Variants in MAB21L2 observed in about 807,000 individuals in gnomAD.
The protein encoded by MAB21L2 is protein mab-21-like 2.
A neutral mutation model predicts 29.8 loss-of-function variants in MAB21L2; 15 were observed. The observed-to-expected ratio is 0.50, with a 90% CI of 0.34 to 0.78. The LOEUF is 0.78. Ranked by LOEUF, MAB21L2 falls within the 30% of genes least tolerant of loss-of-function variation. MAB21L2 has a pLI of 0.01. For synonymous variants in MAB21L2, 218 were observed against 210.4 expected (o/e 1.04, Z -0.31); for missense variants, 321 against 480.1 (o/e 0.67, Z 3.10).
At position 150,582,998 on chromosome 4, in the gene MAB21L2, C is replaced by T. The variant is rs1771594016; in HGVS notation, c.-32C>T. ...TTGGATCCCTCAACGTATTGCGAGACGCCGGTGTATAGCCCGGACCTGTGC... is the reference window on the plus strand; with the variant it reads ...TTGGATCCCTCAACGTATTGCGAGATGCCGGTGTATAGCCCGGACCTGTGC... On this transcript the variant is annotated 5_prime_UTR_variant, in exon 1 of 1. The change creates a new upstream start codon in the 5' untranslated region. Transcript: ENST00000317605. 1 of 1,541,884 alleles carries T rather than the reference C, an allele frequency of 6.5e-7. No homozygotes were observed. The highest frequency in any genetic ancestry group is 8.7e-7 in the Non-Finnish European group (1 of 1,145,018).
In MAB21L2 at chr4:150,583,729, T is replaced by C. The variant is rs1771711866; in HGVS notation, c.700T>C (p.Phe234Leu). 1 of 1,613,238 alleles carries C rather than the reference T, an allele frequency of 6.2e-7. No homozygotes were observed. The highest frequency in any genetic ancestry group is 1.3e-5 in the African/African-American group (1 of 74,818). Residue 234 changes from phenylalanine to leucine, a missense_variant, in exon 1 of 1, where the codon TTC (phenylalanine) becomes CTC (leucine). Transcript: ENST00000317605. This position sits in a 1 kb window ranked among gnomAD's most constrained non-coding sequence, Gnocchi z 9.8. Reference protein sequence around the residue: ...SAESDAWVLQFGEAENRLLMG... With the variant: ...SAESDAWVLQLGEAENRLLMG... ...AGAGAGCGACGCCTGGGTGCTACAG[T>C]TCGGGGAGGCGGAGAACCGCCTGCT...
chr4:150,582,396 T>C lies in MAB21L2; in HGVS notation c.-634T>C. The C allele has an allele frequency of 6.7e-6, 1 of 149,682 alleles. No homozygotes were observed. The highest frequency in any genetic ancestry group is 1.5e-5 in the Non-Finnish European group (1 of 67,664). The allele number at this position is 149,682 out of a possible 1,614,324, so 9.3% of individuals were successfully genotyped here. ...ACCAACACGCTGAGACTGTGGGGCG[T>C]CAGCAAACCTCCAAGTGCACGGCGG... On this transcript the variant is annotated 5_prime_UTR_variant, in exon 1 of 1. Coordinates refer to ENST00000317605, the MANE Select transcript of MAB21L2 (RefSeq NM_006439.5).
At position 150,583,872 on chromosome 4, in the gene MAB21L2, G is replaced by T. The variant is rs368334008; in HGVS notation, c.843G>T (p.Glu281Asp). The T allele has an allele frequency of 3.7e-6, 6 of 1,613,872 alleles. No homozygotes were observed. Among genetic ancestry groups the T allele is most frequent in the Non-Finnish European group, 5.1e-6 (6 of 1,179,958 alleles). Residue 281 changes from glutamate (E) to aspartate (D), a missense_variant, in exon 1 of 1, where the codon GAG (glutamate) becomes GAT (aspartate). Coordinates refer to ENST00000317605, the MANE Select transcript of MAB21L2 (RefSeq NM_006439.5). The surrounding 1 kb of genome is among the most constrained non-coding windows in gnomAD (Gnocchi z 9.8). ...ACATGAAGACGCTGCTGCTGTACGA[G>T]TGCGAGAAACACCCACGAGAAACGG... ...NYHMKTLLLY[E>D]CEKHPRETDW...
In MAB21L2 at chr4:150,584,174, A is replaced by G; in HGVS notation, c.*65A>G. Reference sequence around the variant, plus strand: ...GCTCTCTCAGACACACAACTCTGCTATAAACAGCAGAAACTCTGGACACAA... The same window carrying G: ...GCTCTCTCAGACACACAACTCTGCTGTAAACAGCAGAAACTCTGGACACAA... On this transcript the variant is annotated 3_prime_UTR_variant, in exon 1 of 1. Coordinates refer to ENST00000317605, the MANE Select transcript of MAB21L2 (RefSeq NM_006439.5). 2 of 1,446,244 alleles carry G rather than the reference A, an allele frequency of 1.4e-6. No individual in the cohort carries two copies. The highest frequency in any genetic ancestry group is 9.1e-7 in the Non-Finnish European group (1 of 1,097,380). 89.6% of individuals were successfully genotyped at this position (1,446,244 alleles called of 1,614,324 possible).
In MAB21L2 at chr4:150,583,386, G is replaced by C; in HGVS notation, c.357G>C (p.Ala119=). The C allele has an allele frequency of 2.5e-6, 4 of 1,614,088 alleles. No individual in the cohort carries two copies. Among genetic ancestry groups the C allele is most frequent in the Non-Finnish European group, 3.4e-6 (4 of 1,180,038 alleles). Residue 119 remains alanine (A), a synonymous_variant, in exon 1 of 1, where the codon GCG becomes GCC. Coordinates refer to ENST00000317605, the MANE Select transcript of MAB21L2 (RefSeq NM_006439.5). This position sits in a 1 kb window ranked among gnomAD's most constrained non-coding sequence, Gnocchi z 9.8. ...SMSLWVEFIT[A]SGYLSARKIR... ...CTCTCTGGGTCGAGTTCATCACGGC[G>C]TCGGGCTATCTCTCAGCGCGTAAGA... is the stretch of plus-strand genomic sequence containing the variant.
At position 150,583,307 on chromosome 4, in the gene MAB21L2, C is replaced by T. The variant is rs752541709; in HGVS notation, c.278C>T (p.Ser93Leu). ...MGVFNFVDDGSLPGCAVLKLS... is the reference protein window; with the variant it reads ...MGVFNFVDDGLLPGCAVLKLS... The stretch of plus-strand genomic sequence containing the variant: ...GTCTTCAACTTCGTGGACGACGGCT[C>T]GCTGCCCGGCTGCGCAGTGCTCAAA... The change falls in exon 1 of 1, where the codon TCG becomes TTG. Residue 93 changes from serine to leucine, a missense_variant. By Grantham distance (145) the Ser-to-Leu change is moderately radical. Transcript: ENST00000317605. The surrounding 1 kb of genome is among the most constrained non-coding windows in gnomAD (Gnocchi z 9.8). 1.2e-6 allele frequency: 2 copies of T among 1,614,202 alleles called. No individual in the cohort carries two copies.
In MAB21L2 at chr4:150,583,259, T is replaced by C. The variant is rs1037114694; in HGVS notation, c.230T>C (p.Val77Ala). 1 of 1,614,176 alleles carries C rather than the reference T, an allele frequency of 6.2e-7. No individual in the cohort carries two copies. Among genetic ancestry groups the C allele is most frequent in the African/African-American group, 1.3e-5 (1 of 75,042 alleles). The change falls in exon 1 of 1, where the codon GTG becomes GCG. Residue 77 changes from valine (V) to alanine (A), a missense_variant. Transcript: ENST00000317605. This position sits in a 1 kb window ranked among gnomAD's most constrained non-coding sequence, Gnocchi z 9.8. ...ATTTCGCCCACCGAATTTGAGGTGG[T>C]GCTCTACCTAAACCAGATGGGCGTC... Reference protein sequence around the residue: ...EVISPTEFEVVLYLNQMGVFN... With the variant: ...EVISPTEFEVALYLNQMGVFN...
At position 150,582,815 on chromosome 4, in the gene MAB21L2, G is replaced by T. The variant is rs1771561210; in HGVS notation, c.-215G>T. 4.0e-6 allele frequency: 2 copies of T among 493,954 alleles called. No homozygotes were observed. The highest frequency in any genetic ancestry group is 5.2e-4 in the Middle Eastern group (1 of 1,930). 30.6% of individuals were successfully genotyped at this position (493,954 alleles called of 1,614,324 possible). The stretch of plus-strand genomic sequence containing the variant: ...TCACCTTTTCTCCCCTAATTCTTCT[G>T]CAGAAGAAAAGAGGTTTCGAAAGAG... On this transcript the variant is annotated 5_prime_UTR_variant, in exon 1 of 1. Coordinates refer to ENST00000317605, the MANE Select transcript of MAB21L2 (RefSeq NM_006439.5).
chr4:150,583,993 C>A lies in MAB21L2; in HGVS notation c.964C>A (p.Pro322Thr). Residue 322 changes from proline to threonine, a missense_variant, in exon 1 of 1, where the codon CCC (proline) becomes ACC (threonine). Pro to Thr is a conservative substitution (Grantham distance 38). Transcript: ENST00000317605. This position sits in a 1 kb window ranked among gnomAD's most constrained non-coding sequence, Gnocchi z 9.8. ...CCGCCGCTGCCCTCACTACTTTCTG[C>A]CCAACCTCGACCTCTTTCAGGGCAA... Reference protein sequence around the residue: ...QCRRCPHYFLPNLDLFQGKPH... With the variant: ...QCRRCPHYFLTNLDLFQGKPH... The A allele has an allele frequency of 6.2e-7, 1 of 1,614,124 alleles. No homozygotes were observed. The highest frequency in any genetic ancestry group is 1.1e-5 in the South Asian group (1 of 91,056).
In MAB21L2 at chr4:150,583,831, C is replaced by A; in HGVS notation, c.802C>A (p.Pro268Thr). ...CCGCCACCTGGAGCTACCCGGCCAG[C>A]CGCTCAACAACTACCACATGAAGAC... Reference protein sequence around the residue: ...RDRHLELPGQPLNNYHMKTLL... With the variant: ...RDRHLELPGQTLNNYHMKTLL... Residue 268 changes from proline to threonine, a missense_variant, in exon 1 of 1, where the codon CCG becomes ACG. Pro to Thr is a conservative substitution (Grantham distance 38, BLOSUM62 -1). Coordinates refer to ENST00000317605, the MANE Select transcript of MAB21L2 (RefSeq NM_006439.5). The surrounding 1 kb of genome is among the most constrained non-coding windows in gnomAD (Gnocchi z 9.8). The A allele has an allele frequency of 6.2e-7, 1 of 1,614,210 alleles. No individual in the cohort carries two copies. Among genetic ancestry groups the A allele is most frequent in the Non-Finnish European group, 8.5e-7 (1 of 1,180,032 alleles).
Position 150,584,027 on chromosome 4 carries a change from C to T in MAB21L2, c.998C>T (p.Ser333Leu), listed in dbSNP as rs775358183. The change falls in exon 1 of 1, where the codon TCG (serine) becomes TTG (leucine). Residue 333 changes from serine to leucine, a missense_variant. Physicochemically the swap from Ser to Leu is moderately radical, Grantham distance 145. Transcript: ENST00000317605. ...GACCTCTTTCAGGGCAAGCCCCATTCGGCCCTGGAGAGCGCTGCCAAGCAG... is the reference window on the plus strand; with the variant it reads ...GACCTCTTTCAGGGCAAGCCCCATTTGGCCCTGGAGAGCGCTGCCAAGCAG... ...NLDLFQGKPH[S>L]ALESAAKQTW... 3 of 1,613,330 alleles carry T rather than the reference C, an allele frequency of 1.9e-6. No homozygotes were observed. Among genetic ancestry groups the T allele is most frequent in the South Asian group, 1.1e-5 (1 of 90,892 alleles).
rs755146953 is a variant in MAB21L2, at chr4:150,583,953, C to T, written c.924C>T (p.Ile308=). 3 of 1,613,738 alleles carry T rather than the reference C, an allele frequency of 1.9e-6. No homozygotes were observed. Among genetic ancestry groups the T allele is most frequent in the Non-Finnish European group, 2.5e-6 (3 of 1,179,882 alleles). Residue 308 remains isoleucine, a synonymous_variant, in exon 1 of 1, where the codon ATC becomes ATT. Coordinates refer to ENST00000317605, the MANE Select transcript of MAB21L2 (RefSeq NM_006439.5). The surrounding 1 kb of genome is among the most constrained non-coding windows in gnomAD (Gnocchi z 9.8). ...TCAACGGCATCCTGCTGCAGCTCAT[C>T]TCCTGCCTGCAGTGCCGCCGCTGCC... ...DRLNGILLQL[I]SCLQCRRCPH...
chr4:150,583,680 G>A lies in MAB21L2; in HGVS notation c.651G>A (p.Ser217=). Residue 217 remains serine, a synonymous_variant, in exon 1 of 1, where the codon TCG becomes TCA. Transcript: ENST00000317605. The surrounding 1 kb of genome is among the most constrained non-coding windows in gnomAD (Gnocchi z 9.8). ...GFNLLSKECY[S]LTGKQSSAES... Reference sequence around the variant, plus strand: ...ACTTGCTCTCGAAGGAGTGCTACTCGCTGACCGGCAAGCAGAGCTCGGCAG... The same window carrying A: ...ACTTGCTCTCGAAGGAGTGCTACTCACTGACCGGCAAGCAGAGCTCGGCAG... The A allele has an allele frequency of 6.2e-7, 1 of 1,613,752 alleles. No homozygotes were observed. The highest frequency in any genetic ancestry group is 8.5e-7 in the Non-Finnish European group (1 of 1,179,902).
chr4:150,583,244 C>T lies in MAB21L2; in HGVS notation c.215C>T (p.Thr72Ile), dbSNP rs1771636282. Residue 72 changes from threonine to isoleucine, a missense_variant, in exon 1 of 1, where the codon ACC becomes ATC. Physicochemically the swap from Thr to Ile is moderately conservative, Grantham distance 89 (BLOSUM62 -1). Transcript: ENST00000317605. The surrounding 1 kb of genome is among the most constrained non-coding windows in gnomAD (Gnocchi z 9.8). ...GAGGGGCTCGAGGTCATTTCGCCCA[C>T]CGAATTTGAGGTGGTGCTCTACCTA... ...RYEGLEVISP[T>I]EFEVVLYLNQ... 6.2e-7 allele frequency: 1 copy of T among 1,614,118 alleles called. No homozygotes were observed. Among genetic ancestry groups the T allele is most frequent in the African/African-American group, 1.3e-5 (1 of 74,946 alleles).
rs148537581 is a variant in MAB21L2, at chr4:150,583,686, C to G, written c.657C>G (p.Thr219=). 7.4e-6 allele frequency: 12 copies of G among 1,613,706 alleles called. No homozygotes were observed. The highest frequency in any genetic ancestry group is 1.0e-5 in the Non-Finnish European group (12 of 1,179,880). The change falls in exon 1 of 1, where the codon ACC becomes ACG. Residue 219 remains threonine (T), a synonymous_variant. Coordinates refer to ENST00000317605, the MANE Select transcript of MAB21L2 (RefSeq NM_006439.5). This position sits in a 1 kb window ranked among gnomAD's most constrained non-coding sequence, Gnocchi z 9.8. ...NLLSKECYSL[T]GKQSSAESDA... is the part of the protein sequence containing the mutation. ...TCTCGAAGGAGTGCTACTCGCTGAC[C>G]GGCAAGCAGAGCTCGGCAGAGAGCG...
In MAB21L2 at chr4:150,583,354, A is replaced by G; in HGVS notation, c.325A>G (p.Ser109Gly). The G allele has an allele frequency of 1.2e-6, 2 of 1,614,156 alleles. No homozygotes were observed. The highest frequency in any genetic ancestry group is 1.7e-6 in the Non-Finnish European group (2 of 1,180,028). ...VLKLSDGRKRSMSLWVEFITA... is the reference protein window; with the variant it reads ...VLKLSDGRKRGMSLWVEFITA... The stretch of plus-strand genomic sequence containing the variant: ...CAAACTGAGCGATGGGCGGAAGCGG[A>G]GCATGTCTCTCTGGGTCGAGTTCAT... Residue 109 changes from serine to glycine, a missense_variant, in exon 1 of 1, where the codon AGC becomes GGC. Coordinates refer to ENST00000317605, the MANE Select transcript of MAB21L2 (RefSeq NM_006439.5). This position sits in a 1 kb window ranked among gnomAD's most constrained non-coding sequence, Gnocchi z 9.8.
chr4:150,584,150 C>T lies in MAB21L2; in HGVS notation c.*41C>T. 6.7e-7 allele frequency: 1 copy of T among 1,497,340 alleles called. No individual in the cohort carries two copies. The highest frequency in any genetic ancestry group is 1.4e-5 in the South Asian group (1 of 70,080). The allele number at this position is 1,497,340 out of a possible 1,614,324, so 92.8% of individuals were successfully genotyped here. ...TTGAAAAGCGACACAAACGGGCGTGCTCTCTCAGACACACAACTCTGCTAT... is the reference window on the plus strand; with the variant it reads ...TTGAAAAGCGACACAAACGGGCGTGTTCTCTCAGACACACAACTCTGCTAT... On this transcript the variant is annotated 3_prime_UTR_variant, in exon 1 of 1. Coordinates refer to ENST00000317605, the MANE Select transcript of MAB21L2 (RefSeq NM_006439.5).
At position 150,583,705 on chromosome 4, in the gene MAB21L2, G is replaced by A. The variant is rs1279002056; in HGVS notation, c.676G>A (p.Glu226Lys). ...GCTGACCGGCAAGCAGAGCTCGGCAGAGAGCGACGCCTGGGTGCTACAGTT... is the reference window on the plus strand; with the variant it reads ...GCTGACCGGCAAGCAGAGCTCGGCAAAGAGCGACGCCTGGGTGCTACAGTT... ...YSLTGKQSSAESDAWVLQFGE... is the reference protein window; with the variant it reads ...YSLTGKQSSAKSDAWVLQFGE... Residue 226 changes from glutamate (E) to lysine (K), a missense_variant, in exon 1 of 1, where the codon GAG becomes AAG. By Grantham distance (56) the Glu-to-Lys change is moderately conservative. Coordinates refer to ENST00000317605, the MANE Select transcript of MAB21L2 (RefSeq NM_006439.5). The surrounding 1 kb of genome is among the most constrained non-coding windows in gnomAD (Gnocchi z 9.8). The A allele has an allele frequency of 6.2e-7, 1 of 1,613,590 alleles. No homozygotes were observed. The highest frequency in any genetic ancestry group is 1.1e-5 in the South Asian group (1 of 90,974).
rs540652583 is a variant in MAB21L2, at chr4:150,583,869, C to T, written c.840C>T (p.Tyr280=). 6.2e-7 allele frequency: 1 copy of T among 1,613,922 alleles called. No individual in the cohort carries two copies. The highest frequency in any genetic ancestry group is 1.3e-5 in the African/African-American group (1 of 75,062). The change falls in exon 1 of 1, where the codon TAC becomes TAT. Residue 280 remains tyrosine (Y), a synonymous_variant. Coordinates refer to ENST00000317605, the MANE Select transcript of MAB21L2 (RefSeq NM_006439.5). The surrounding 1 kb of genome is among the most constrained non-coding windows in gnomAD (Gnocchi z 9.8). ...ACCACATGAAGACGCTGCTGCTGTA[C>T]GAGTGCGAGAAACACCCACGAGAAA... ...NNYHMKTLLL[Y]ECEKHPRETD...
Sources: allele counts gnomAD v4.1 joint callset, GRCh38; gene constraint gnomAD v4.1.1; non-coding constraint Gnocchi (gnomAD v3.1); transcripts MANE v1.5; gene names NCBI Gene and HGNC (gene_info 2026-07-23, HGNC 2026-07-21).